The following NHS variants were observed in gnomAD, a reference collection of about 807,000 sequenced individuals.
NHS encodes NHS actin remodeling regulator.
A neutral mutation model predicts 72.5 loss-of-function variants in NHS; 5 were observed. The ratio of observed to expected loss-of-function variants is 0.07; its 90% confidence interval spans 0.04 to 0.14. The LOEUF (loss-of-function observed/expected upper bound fraction) is 0.14. Ranked by LOEUF, NHS falls within the 10% of genes least tolerant of loss-of-function variation. The pLI, the probability that NHS is intolerant of heterozygous loss-of-function variation, is 1.00. For missense variants in NHS, 1,072 were observed against 1,355.7 expected (o/e 0.79, Z 3.29); for synonymous variants, 464 against 547.7 (o/e 0.85, Z 2.13).
At chrX:17,704,460 C>T (rs2066284365) in intron 3 of NHS, among the ~76,000 whole-genome samples, 1 of 109,819 alleles carries the variant, frequency 9.1e-6, no homozygotes, top group Non-Finnish European at 1.9e-5. Flanking sequence ...GCCACCACGC[C>T]TGGCTAATTT....
chrX:17,464,653 G>C (rs1039451011), intron 1 of NHS, among the ~76,000 whole-genome samples: 1 of 112,900 alleles, frequency 8.9e-6, no homozygotes, highest in African/African-American at 3.2e-5. Flanking sequence ...TAGGGTTGGT[G>C]CCAGCAGCCA....
intron 3 of NHS, 60 bp downstream of exon 3, chrX:17,692,528 G>A (rs2066203651): frequency 4.2e-6 from 5 of 1,194,816 alleles, no homozygotes; most frequent in African/African-American, 3.5e-5. Flanking sequence ...CAGTTTGTCT[G>A]GGAGTCAGTT....
chrX:17,494,778 AG>A (rs749529364), intron 1 of NHS, among the ~76,000 whole-genome samples: 1 of 112,554 alleles, frequency 8.9e-6, no homozygotes, highest in South Asian at 3.7e-4. Context: ...TCAGAGGGCT[AG>A]TGGGGGAATT....
chrX:17,644,397 A>G (rs1374981343), intron 1 of NHS, among the ~76,000 whole-genome samples: 1 of 112,185 alleles, frequency 8.9e-6, no homozygotes, highest in Non-Finnish European at 1.9e-5. Context: ...TGTGTACACT[A>G]AAACCTCTGA....
intron 1 of NHS, among the ~76,000 whole-genome samples, chrX:17,527,645 G>A (rs1477361452): frequency 8.9e-6 from 1 of 112,350 alleles, no homozygotes; most frequent in Non-Finnish European, 1.9e-5. Context: ...CACAATAGAG[G>A]GAGTGCTCCC....
At chrX:17,431,845 C>T (rs1256745739) in intron 1 of NHS, among the ~76,000 whole-genome samples, 2 of 111,809 alleles carry the variant, frequency 1.8e-5, no homozygotes, top group African/African-American at 3.3e-5. Context: ...CTAAGAGCTT[C>T]GTCACTTATG....
intron 1 of NHS, among the ~76,000 whole-genome samples, chrX:17,554,027 T>A (rs2065351778): frequency 1.8e-5 from 2 of 111,907 alleles, no homozygotes; most frequent in South Asian, 7.5e-4. Context: ...TTTTGGCCAT[T>A]CTGGTGGCTC....
intron 1 of NHS, among the ~76,000 whole-genome samples, chrX:17,486,162 C>G (rs1205720562): frequency 8.9e-6 from 1 of 111,903 alleles, no homozygotes; most frequent in African/African-American, 3.2e-5. Flanking sequence ...TGAACAGATG[C>G]TCATTTTATG....
chrX:17,584,244 C>T (rs970449917), intron 1 of NHS, among the ~76,000 whole-genome samples: 1 of 111,497 alleles, frequency 9.0e-6, no homozygotes, highest in Non-Finnish European at 1.9e-5. Context: ...CTCTGGGTTT[C>T]GACTTTCATA....
intron 1 of NHS, among the ~76,000 whole-genome samples, chrX:17,642,308 T>G (rs937679580): frequency 1.8e-5 from 2 of 112,312 alleles, no homozygotes; most frequent in Non-Finnish European, 3.8e-5. Flanking sequence ...TTGTGAAGAT[T>G]TAATGGCATA....
intron 1 of NHS, among the ~76,000 whole-genome samples, chrX:17,675,197 T>G (rs1055879010): frequency 8.9e-5 from 10 of 111,864 alleles, no homozygotes; most frequent in African/African-American, 2.9e-4. Flanking sequence ...TAGTAGAAAA[T>G]ATCCTAATGA....
chrX:17,554,332 G>A (rs1042588514), intron 1 of NHS, among the ~76,000 whole-genome samples: 3 of 112,088 alleles, frequency 2.7e-5, no homozygotes, highest in Non-Finnish European at 3.8e-5. Flanking sequence ...ACTAAGTTTC[G>A]TCAGTGCCTT....
intron 1 of NHS, among the ~76,000 whole-genome samples, chrX:17,668,088 T>C (rs1362325177): frequency 1.6e-5 from 1 of 63,646 alleles, no homozygotes; most frequent in Admixed American, 2.0e-4. Context: ...CCCATCTCTC[T>C]AAAAAAAAAA....
intron 1 of NHS, among the ~76,000 whole-genome samples, chrX:17,548,572 CCACA>C (rs775363787): frequency 9.0e-6 from 1 of 111,030 alleles, no homozygotes; most frequent in Non-Finnish European, 1.9e-5. Context: ...TGCACATGCA[CCACA>C]CACACACACG....
At chrX:17,592,413 T>C (rs1156467918) in intron 1 of NHS, among the ~76,000 whole-genome samples, 1 of 111,884 alleles carries the variant, frequency 8.9e-6, no homozygotes, top group Admixed American at 9.5e-5. Flanking sequence ...GAATGTTCCA[T>C]TGAGAGGTAA....
chrX:17,623,565 G>C (rs961986212), intron 1 of NHS, among the ~76,000 whole-genome samples: 1 of 111,399 alleles, frequency 9.0e-6, no homozygotes, highest in African/African-American at 3.3e-5. Context: ...GAAGTGCTCG[G>C]TCTTCCAAGA....
chrX:17,599,079 T>C lies in NHS; in HGVS notation c.566-88663T>C, dbSNP rs369952435. On this transcript the variant is annotated intron_variant, in intron 1 of 8. Transcript: ENST00000676302. ...GTTGAGTATAGTTCAAATTTCCTTC[T>C]TTTTGTTGCTTTGTAGTATTTCATT... Among the ~76,000 whole-genome samples the C allele has an allele frequency of 2.7e-5, 3 of 112,674 alleles. No homozygotes were observed. In the East Asian group the frequency reaches 8.3e-4, roughly 31 times the overall value.
At chrX:17,583,301 A>G (rs1464819558) in intron 1 of NHS, among the ~76,000 whole-genome samples, 1 of 111,550 alleles carries the variant, frequency 9.0e-6, no homozygotes, top group Non-Finnish European at 1.9e-5. Flanking sequence ...GGTAAGTGCT[A>G]TGGGAAGGAT....
At chrX:17,468,699 C>T (rs2064879906) in intron 1 of NHS, among the ~76,000 whole-genome samples, 2 of 109,585 alleles carry the variant, frequency 1.8e-5, no homozygotes, top group Admixed American at 9.8e-5. Context: ...ACTACAGGCA[C>T]ATGTCACCAT....
Sources: allele counts gnomAD v4.1 joint callset (sites outside exome capture counted in the v4.1 genomes callset), GRCh38; gene constraint gnomAD v4.1.1; transcripts MANE v1.5; gene names NCBI Gene and HGNC (gene_info 2026-07-23, HGNC 2026-07-21).